PCDH15: variants seen among roughly 807,000 people sequenced by gnomAD.
PCDH15 encodes protocadherin-15.
Under a neutral mutation model 178.5 loss-of-function variants are expected in PCDH15, and 129 were observed. That is an observed-to-expected ratio of 0.72 (90% confidence interval 0.63 to 0.84). PCDH15 has a LOEUF of 0.84. Ranked by LOEUF, PCDH15 falls within the 40% of genes least tolerant of loss-of-function variation. The pLI is 0.00. For missense variants in PCDH15, 2,230 were observed against 2,099.9 expected, an observed-to-expected ratio of 1.06 and a Z score of -1.21; for synonymous variants, 800 against 732.0, an observed-to-expected ratio of 1.09 and a Z score of -1.50.
chr10:55,334,242 A>ATATATATATATATGTG (rs1291195941), intron 2 of PCDH15, among the ~76,000 whole-genome samples: 30 of 72,132 alleles, frequency 4.2e-4, no homozygotes, highest in Middle Eastern at 9.6e-3. Context: ...ATATATATAT[A>ATATATATATATATGTG]TGTGTGTGTG....
intron 2 of PCDH15, among the ~76,000 whole-genome samples, chr10:55,432,973 A>G (rs574390784): frequency 6.6e-6 from 1 of 151,954 alleles, no homozygotes; most frequent in Admixed American, 6.6e-5. Flanking sequence ...GCAGTGAGCC[A>G]AGATCGCGCC....
At chr10:54,099,121 G>A (rs1035594767) in intron 15 of PCDH15, among the ~76,000 whole-genome samples, 17 of 152,054 alleles carry the variant, frequency 1.1e-4, no homozygotes, top group African/African-American at 2.9e-4. Context: ...AAAGTTATCC[G>A]GACACAGGCA....
intron 3 of PCDH15, among the ~76,000 whole-genome samples, chr10:54,399,732 G>A (rs1208855265): frequency 2.0e-5 from 3 of 152,038 alleles, no homozygotes; most frequent in Non-Finnish European, 4.4e-5. Flanking sequence ...GGAATGAGGA[G>A]ACCTCAGCAG....
chr10:54,715,027 T>C (rs2132411992), intron 1 of PCDH15, among the ~76,000 whole-genome samples: 1 of 152,226 alleles, frequency 6.6e-6, no homozygotes. Context: ...TAAGCACATA[T>C]TTGTTTGCCA....
chr10:54,803,843 T>C (rs1180129394), upstream of PCDH15, among the ~76,000 whole-genome samples: 3 of 152,136 alleles, frequency 2.0e-5, no homozygotes, highest in Non-Finnish European at 4.4e-5. Context: ...CATTTAAACA[T>C]TGATGATTAG....
At chr10:54,230,334 T>C (rs143399178) in intron 9 of PCDH15, among the ~76,000 whole-genome samples, 125 of 152,074 alleles carry the variant, frequency 8.2e-4, no homozygotes, top group African/African-American at 2.8e-3. Context: ...CCCAGTTGTG[T>C]AGCACAAGGA....
At chr10:55,624,900 ATTTACTAGAAAAAAAATGAT>A (rs1837491536) in intron 2 of PCDH15, among the ~76,000 whole-genome samples, 1 of 152,138 alleles carries the variant, frequency 6.6e-6, no homozygotes, top group Non-Finnish European at 1.5e-5. Context: ...AAATGAAGAA[ATTTACTAGAAAAAAAATGAT>A]TGTAGGCACT....
At chr10:54,163,138 T>C (rs1404520115) in intron 13 of PCDH15, among the ~76,000 whole-genome samples, 1 of 152,134 alleles carries the variant, frequency 6.6e-6, no homozygotes, top group African/African-American at 2.4e-5. Context: ...ATATGCCTAA[T>C]CTACAAGCTT....
intron 26 of PCDH15, among the ~76,000 whole-genome samples, chr10:53,883,422 TCTC>T (rs1316842380): frequency 2.0e-5 from 3 of 152,124 alleles, no homozygotes; most frequent in Non-Finnish European, 4.4e-5. Flanking sequence ...TGCATCATCA[TCTC>T]CTTTTTCTCT....
chr10:54,182,312 G>T (rs562281213), intron 13 of PCDH15, among the ~76,000 whole-genome samples: 1 of 152,250 alleles, frequency 6.6e-6, no homozygotes, highest in South Asian at 2.1e-4. Flanking sequence ...TGCAAAGTTG[G>T]TGATGATTTA....
chr10:55,158,062 A>ATGTGTGTGTGTGTGTGTG (rs372901080), intron 2 of PCDH15, among the ~76,000 whole-genome samples: 1 of 128,848 alleles, frequency 7.8e-6, no homozygotes, highest in Non-Finnish European at 1.6e-5. Context: ...TCACACAAAT[A>ATGTGTGTGTGTGTGTGTG]TGTGTGTATG....
At chr10:55,328,609 G>T (rs1844099996) in intron 2 of PCDH15, among the ~76,000 whole-genome samples, 1 of 151,184 alleles carries the variant, frequency 6.6e-6, no homozygotes. Flanking sequence ...CATATTCATT[G>T]GTTCCATATA....
chr10:55,266,989 G>C (rs1005374327), intron 1 of PCDH15, among the ~76,000 whole-genome samples: 1 of 152,164 alleles, frequency 6.6e-6, no homozygotes, highest in African/African-American at 2.4e-5. Context: ...CCTACAGCCT[G>C]GTTGCTTCCC....
At chr10:54,997,717 C>A (rs1054890517) in intron 2 of PCDH15, among the ~76,000 whole-genome samples, 1 of 151,988 alleles carries the variant, frequency 6.6e-6, no homozygotes, top group African/African-American at 2.4e-5. Context: ...CTAATATTTA[C>A]AGGTTATAAA....
At chr10:55,037,605 T>C (rs1382856819) in intron 2 of PCDH15, among the ~76,000 whole-genome samples, 3 of 152,224 alleles carry the variant, frequency 2.0e-5, no homozygotes, top group Non-Finnish European at 1.5e-5. Flanking sequence ...ATATAGCTAT[T>C]TGACATCATG....
chr10:54,677,128 T>C lies in PCDH15; in HGVS notation c.-28-12838A>G, dbSNP rs147139052. Among the ~76,000 whole-genome samples the C allele has an allele frequency of 1.1e-4, 16 of 152,154 alleles. No homozygotes were observed. In the East Asian group the frequency reaches 1.5e-3, roughly 15 times the overall value. On this transcript the variant is annotated intron_variant, in intron 1 of 37. Coordinates refer to ENST00000644397, the MANE Select transcript of PCDH15 (RefSeq NM_001384140.1). ...GGCTCACACATGTAATCCTAGCACTTTGGGAGGTCAACATAAAAGAATGGA... is the reference window on the plus strand; with the variant it reads ...GGCTCACACATGTAATCCTAGCACTCTGGGAGGTCAACATAAAAGAATGGA...
intron 15 of PCDH15, among the ~76,000 whole-genome samples, chr10:54,119,140 C>A (rs1412082444): frequency 6.6e-6 from 1 of 152,058 alleles, no homozygotes; most frequent in Non-Finnish European, 1.5e-5. Context: ...AAGCAATGGT[C>A]CCTAACCAAA....
intron 2 of PCDH15, among the ~76,000 whole-genome samples, chr10:54,977,004 G>A (rs908767561): frequency 3.9e-5 from 6 of 152,148 alleles, no homozygotes; most frequent in African/African-American, 1.4e-4. Context: ...ATCTTTCAAA[G>A]GTGGTTTCAT....
rs1469210494 is a variant in PCDH15 at position 54,790,394 on chromosome 10, C to A, written c.-29+10531G>T. Among the ~76,000 whole-genome samples the A allele has an allele frequency of 2.0e-5, 3 of 151,630 alleles. No homozygotes were observed. The East Asian group carries it at 5.8e-4, about 29-fold the overall frequency. On this transcript the variant is annotated intron_variant, in intron 1 of 37. Coordinates refer to ENST00000644397, the MANE Select transcript of PCDH15 (RefSeq NM_001384140.1). ...AAATATATATATGTATTTCCCTCAT[C>A]TTTTAGAACACAACAAGAGTATTTA...
Sources: gnomAD v4.1 joint callset for allele counts (sites outside exome capture counted in the v4.1 genomes callset) on GRCh38, gnomAD v4.1.1 for gene constraint, MANE v1.5 for transcripts, NCBI Gene and HGNC (gene_info 2026-07-23, HGNC 2026-07-21) for gene names.